The following KTN1 variants were observed in gnomAD, a reference collection of about 807,000 sequenced individuals.
The protein encoded by KTN1 is kinectin.
In KTN1, 130 loss-of-function variants were observed where a neutral mutation model predicts 222.5. The observed-to-expected ratio is 0.58, with a 90% CI of 0.51 to 0.68. The LOEUF is 0.68. Among genes scored for constraint, KTN1 ranks in the 30% least tolerant of loss-of-function variants. KTN1 has a pLI of 0.00. For synonymous variants in KTN1, 512 were observed against 496.3 expected (o/e 1.03, Z -0.42); for missense variants, 1,508 against 1,500.4 (o/e 1.01, Z -0.08).
At chr14:55,631,348 ATATATATATATATATATATATG>A (rs1270809247) in intron 7 of KTN1, among the ~76,000 whole-genome samples, 3 of 137,946 alleles carry the variant, frequency 2.2e-5, no homozygotes, top group Non-Finnish European at 4.6e-5. Context: ...GTTGATATAT[ATATATATATATATATATATATG>A]TATTTTTTTT....
At chr14:55,615,567 CAA>C (rs1415363004) in intron 2 of KTN1, among the ~76,000 whole-genome samples, 1 of 152,116 alleles carries the variant, frequency 6.6e-6, no homozygotes, top group East Asian at 1.9e-4. Flanking sequence ...TATAAAATGC[CAA>C]AGAGTAGTCA....
intron 31 of KTN1, among the ~76,000 whole-genome samples, chr14:55,659,968 A>C (rs1462453222): frequency 6.6e-6 from 1 of 152,338 alleles, no homozygotes; most frequent in South Asian, 2.1e-4. Context: ...AAGTTAAACT[A>C]TACTTTGCAG....
intron 32 of KTN1, among the ~76,000 whole-genome samples, chr14:55,662,507 A>G (rs1463885039): frequency 6.6e-6 from 1 of 152,178 alleles, no homozygotes; most frequent in Non-Finnish European, 1.5e-5. Flanking sequence ...TAACTTACTG[A>G]ATAGACAAAC....
chr14:55,642,456 A>C (rs12434799), intron 18 of KTN1, among the ~76,000 whole-genome samples: 1 of 152,040 alleles, frequency 6.6e-6, no homozygotes, highest in Non-Finnish European at 1.5e-5. Context: ...TTCTCTGCCT[A>C]TTCCTCAGTG....
At position 55,612,178 on chromosome 14, in the gene KTN1, GA is replaced by G; in HGVS notation, c.132del (p.Glu44AspfsTer49). On this transcript the variant is annotated frameshift_variant, in exon 2 of 44. Transcript: ENST00000395314. LOFTEE classifies it high-confidence loss of function. ...TGAAGTTCTTGCAAAACAGAAAAGA[GA>G]ACAAAAGCTTATTCCTACCAAAACA... Reference protein sequence around the residue: ...YDEVLAKQKREQKLIPTKTDK... With the variant: ...YDEVLAKQKRXQKLIPTKTDK... 6.3e-7 allele frequency: 1 copy of G among 1,584,670 alleles called. No individual in the cohort carries two copies. Among genetic ancestry groups the G allele is most frequent in the Non-Finnish European group, 8.5e-7 (1 of 1,172,368 alleles).
chr14:55,682,220 T>G (rs755291922), intron 43 of KTN1: 6 of 152,164 alleles, frequency 3.9e-5, no homozygotes, highest in Non-Finnish European at 7.4e-5. Context: ...CTGATATCTT[T>G]AATTTGTGAA....
At chr14:55,677,214 G>C (rs112308652) in intron 41 of KTN1, among the ~76,000 whole-genome samples, 9,193 of 152,194 alleles carry the variant, frequency 0.06, 384 homozygotes, top group South Asian at 0.09. Context: ...GGTGGCTCAC[G>C]CCTGTAATCC....
intron 5 of KTN1, among the ~76,000 whole-genome samples, chr14:55,625,774 T>C (rs2039737672): frequency 6.6e-6 from 1 of 152,210 alleles, no homozygotes; most frequent in Non-Finnish European, 1.5e-5. Context: ...TTTTTTTTCC[T>C]TGAAACATTT....
chr14:55,637,371 T>C lies in KTN1; in HGVS notation c.1716+7T>C, dbSNP rs1474560941. ...TCTACAAATGCAGGTTCAGGTATTTTTTCTTCTTTTTTTTTTTTTAAAAAA... is the reference window on the plus strand; with the variant it reads ...TCTACAAATGCAGGTTCAGGTATTTCTTCTTCTTTTTTTTTTTTTAAAAAA... On this transcript the variant is annotated splice_region_variant and intron_variant, in intron 11 of 43. Coordinates refer to ENST00000395314, the MANE Select transcript of KTN1 (RefSeq NM_001079521.2). 25 of 1,540,132 alleles carry C rather than the reference T, an allele frequency of 1.6e-5. No individual in the cohort carries two copies. Among genetic ancestry groups the C allele is most frequent in the Admixed American group, 1.3e-4 (6 of 46,778 alleles).
At chr14:55,630,268 G>T (rs180975648) in intron 7 of KTN1, among the ~76,000 whole-genome samples, 171 bp downstream of exon 7, 1 of 152,260 alleles carries the variant, frequency 6.6e-6, no homozygotes, top group Non-Finnish European at 1.5e-5. Flanking sequence ...GGATGAGGTA[G>T]GGAGGCCGGA....
At chr14:55,653,120 A>C (rs1162329908) in intron 27 of KTN1, 35 bp downstream of exon 27, 3 of 1,297,620 alleles carry the variant, frequency 2.3e-6, no homozygotes, top group Non-Finnish European at 3.3e-6. Flanking sequence ...ATGTTACATA[A>C]GGAATGATAA....
At chr14:55,630,774 C>T (rs28587929) in intron 7 of KTN1, among the ~76,000 whole-genome samples, 11,740 of 152,248 alleles carry the variant, frequency 0.077, 502 homozygotes, top group South Asian at 0.11. Flanking sequence ...TTTAAATTTT[C>T]ACCTTGGTAG....
At chr14:55,649,252 C>G (rs892637723) in intron 21 of KTN1, among the ~76,000 whole-genome samples, 5 of 152,132 alleles carry the variant, frequency 3.3e-5, no homozygotes, top group Admixed American at 2.0e-4. Context: ...AGTGGGCAAA[C>G]TGTTGCATAA....
intron 13 of KTN1, 63 bp from the exon 14 acceptor site, chr14:55,639,850 A>C (rs1475468502): frequency 9.4e-7 from 1 of 1,059,486 alleles, no homozygotes; most frequent in Non-Finnish European, 1.5e-6. Context: ...TTAAGGCTTT[A>C]AATCCTTTTG....
chr14:55,614,292 T>G (rs1015073386), intron 2 of KTN1, among the ~76,000 whole-genome samples: 2 of 152,220 alleles, frequency 1.3e-5, no homozygotes, highest in Non-Finnish European at 2.9e-5. Context: ...TGGGGCAGTA[T>G]TTGATGCCGG....
chr14:55,672,066 A>G, intron 37 of KTN1, 189 bp downstream of exon 37: 1 of 539,738 alleles, frequency 1.9e-6, no homozygotes, highest in Non-Finnish European at 3.3e-6. Flanking sequence ...CAAGTTTGAA[A>G]ATCACTGGTT....
At position 55,679,573 on chromosome 14, in the gene KTN1, T is replaced by G. The variant is rs1252174819; in HGVS notation, c.3957T>G (p.Ser1319=). The change falls in exon 43 of 44, where the codon TCT becomes TCG. Residue 1319 remains serine (S), a synonymous_variant. Transcript: ENST00000395314. ...NSDVSPETES[S]EKETMSVSLN... is the part of the protein sequence containing the mutation. The stretch of plus-strand genomic sequence containing the variant: ...TTCCATCTTCTTTTTAGGAGTCTTC[T>G]GAGAAGGAGACAATGTCTGTAAGTC... 1.4e-5 allele frequency: 22 copies of G among 1,610,052 alleles called. No homozygotes were observed. The highest frequency in any genetic ancestry group is 1.8e-5 in the Non-Finnish European group (21 of 1,177,342).
At chr14:55,603,662 G>A (rs536372372) in intron 1 of KTN1, among the ~76,000 whole-genome samples, 2 of 152,170 alleles carry the variant, frequency 1.3e-5, no homozygotes, top group South Asian at 4.2e-4. Flanking sequence ...CAAGTTTATG[G>A]CTTTAAATAT....
At chr14:55,673,892 T>C (rs1475054012) in intron 40 of KTN1, 1 of 152,128 alleles carries the variant, frequency 6.6e-6, no homozygotes, top group Non-Finnish European at 1.5e-5. Flanking sequence ...CTGTACTGAT[T>C]GTGACAGACT....
Sources: gnomAD v4.1 joint callset for allele counts (sites outside exome capture counted in the v4.1 genomes callset) on GRCh38, gnomAD v4.1.1 for gene constraint, MANE v1.5 for transcripts, NCBI Gene and HGNC (gene_info 2026-07-23, HGNC 2026-07-21) for gene names.